The following SFXN5 variants were observed in gnomAD, a reference collection of about 807,000 sequenced individuals.
SFXN5 encodes the protein sideroflexin-5.
In SFXN5, 43 loss-of-function variants were observed where a neutral mutation model predicts 50.2. The ratio of observed to expected loss-of-function variants is 0.86; its 90% CI spans 0.67 to 1.11. The LOEUF (loss-of-function observed/expected upper bound fraction) is 1.11, where lower values mean the gene tolerates loss of function less well. Among genes scored for constraint, SFXN5 ranks in the 50% least tolerant of loss-of-function variants. The pLI, the probability that SFXN5 is intolerant of heterozygous loss-of-function variation, is 0.00. For missense variants in SFXN5, 463 were observed against 454.1 expected (o/e 1.02, Z -0.18); for synonymous variants, 203 against 185.8 (o/e 1.09, Z -0.75).
intron 10 of SFXN5, among the ~76,000 whole-genome samples, chr2:72,984,009 G>A (rs6760425): frequency 0.012 from 1,846 of 152,320 alleles, 32 homozygotes; most frequent in African/African-American, 0.042. Flanking sequence ...GTCAATTAAC[G>A]GAGGGCCCGC....
At chr2:73,006,110 G>A (rs1402930284) in intron 6 of SFXN5, among the ~76,000 whole-genome samples, 2 of 152,172 alleles carry the variant, frequency 1.3e-5, no homozygotes, top group African/African-American at 2.4e-5. Flanking sequence ...CTGGCTCAGA[G>A]GCCTCATGCC....
intron 12 of SFXN5, among the ~76,000 whole-genome samples, chr2:72,964,280 ACC>A (rs1378552942): frequency 6.6e-6 from 1 of 152,140 alleles, no homozygotes; most frequent in Non-Finnish European, 1.5e-5. Context: ...TGACTCCCTC[ACC>A]CAACAGGGGC....
intron 10 of SFXN5, among the ~76,000 whole-genome samples, chr2:72,979,226 G>A (rs1309736642): frequency 6.6e-6 from 1 of 152,172 alleles, no homozygotes; most frequent in East Asian, 1.9e-4. Flanking sequence ...CCAGGTCGGT[G>A]CCTTCTGTGG....
At chr2:72,968,358 CCCT>C in intron 12 of SFXN5, 87 bp downstream of exon 12, 1 of 1,230,290 alleles carries the variant, frequency 8.1e-7, no homozygotes, top group Non-Finnish European at 1.2e-6. Flanking sequence ...TCCTGCCACC[CCCT>C]CATCTCTTGC....
Position 72,960,352 on chromosome 2 carries a change from C to T in SFXN5, c.945+779G>A, listed in dbSNP as rs998107764. On this transcript the variant is annotated intron_variant, in intron 13 of 13. Coordinates refer to ENST00000272433, the MANE Select transcript of SFXN5 (RefSeq NM_144579.3). This position sits in a 1 kb window ranked among gnomAD's most constrained non-coding sequence, Gnocchi z 6.1. ...AAGCCAGTGCACATCCTCTGGCTCC[C>T]GTTCCCTCCCACCACATACAGCTCT... is the stretch of plus-strand genomic sequence containing the variant. Among the ~76,000 whole-genome samples the T allele has an allele frequency of 1.3e-5, 2 of 152,112 alleles. No homozygotes were observed. Among genetic ancestry groups the T allele is most frequent in the African/African-American group, 2.4e-5 (1 of 41,414 alleles).
At chr2:73,046,995 G>A (rs1431728307) in intron 2 of SFXN5, among the ~76,000 whole-genome samples, 1 of 150,676 alleles carries the variant, frequency 6.6e-6, no homozygotes, top group Non-Finnish European at 1.5e-5. Flanking sequence ...GGGAGGCCAA[G>A]GCAGGTGGAT....
At chr2:73,067,796 T>C (rs1219279028) in intron 1 of SFXN5, among the ~76,000 whole-genome samples, 2 of 152,198 alleles carry the variant, frequency 1.3e-5, no homozygotes, top group African/African-American at 2.4e-5. Context: ...TTAGTATGTT[T>C]GTAAACTTCC....
intron 3 of SFXN5, among the ~76,000 whole-genome samples, chr2:73,026,639 A>G (rs1479330909): frequency 6.6e-6 from 1 of 152,184 alleles, no homozygotes; most frequent in Non-Finnish European, 1.5e-5. Flanking sequence ...ATTCATATAA[A>G]AGCCTAGCAC....
intron 13 of SFXN5, among the ~76,000 whole-genome samples, chr2:72,954,951 T>G (rs1672915993): frequency 1.3e-5 from 2 of 152,224 alleles, no homozygotes; most frequent in Admixed American, 6.5e-5. Flanking sequence ...ATCTTCCAGC[T>G]GGGGAAACTG....
At chr2:73,016,429 G>A (rs1350625591) in intron 6 of SFXN5, among the ~76,000 whole-genome samples, 1 of 152,172 alleles carries the variant, frequency 6.6e-6, no homozygotes, top group Non-Finnish European at 1.5e-5. Flanking sequence ...GGAAGAGCTG[G>A]GGCAGTGGCT....
intron 6 of SFXN5, among the ~76,000 whole-genome samples, chr2:73,015,904 C>G (rs1479431108): frequency 4.0e-5 from 6 of 150,586 alleles, no homozygotes; most frequent in African/African-American, 1.5e-4. Flanking sequence ...CATCACTGCA[C>G]TCCAGCCTGG....
At chr2:73,065,956 G>A (rs1387401652) in intron 1 of SFXN5, among the ~76,000 whole-genome samples, 1 of 152,194 alleles carries the variant, frequency 6.6e-6, no homozygotes, top group African/African-American at 2.4e-5. Flanking sequence ...CATGGTGTCT[G>A]GGCCGGAAGG....
chr2:73,036,781 C>T (rs1054161684), intron 3 of SFXN5, among the ~76,000 whole-genome samples: 3 of 152,196 alleles, frequency 2.0e-5, no homozygotes, highest in African/African-American at 2.4e-5. Context: ...CAGAAGAACA[C>T]GAAAAGGGCT....
chr2:72,944,528 G>A lies in SFXN5; in HGVS notation c.*494C>T, dbSNP rs1671724270. 1 of 156,124 alleles carries A rather than the reference G, an allele frequency of 6.4e-6. No individual in the cohort carries two copies. 9.7% of individuals were successfully genotyped at this position (156,124 alleles called of 1,614,324 possible). A position where few individuals can be genotyped will look rare whatever the true frequency, so the allele number is the denominator to read the frequency against. On this transcript the variant is annotated 3_prime_UTR_variant, in exon 14 of 14. Transcript: ENST00000272433. ...CCCATGCCAGCCCAGGGAGCCATCT[G>A]GGCTGGCCATTGTAATATCCTAAAT...
rs1674760420 is a variant in SFXN5 at position 72,968,613 on chromosome 2, G to A, written c.742-80C>T. On this transcript the variant is annotated intron_variant, in intron 11 of 13. Transcript: ENST00000272433. ...GCACACCACCCAGAGCCCTAGGTGTGTGCCACCACAACGCATGTGTGTCTG... is the reference window on the plus strand; with the variant it reads ...GCACACCACCCAGAGCCCTAGGTGTATGCCACCACAACGCATGTGTGTCTG... 11 of 1,335,188 alleles carry A rather than the reference G, an allele frequency of 8.2e-6. No homozygotes were observed. The Admixed American group carries it at 1.5e-4, about 18-fold the overall frequency. The allele number at this position is 1,335,188 out of a possible 1,614,324, so 82.7% of individuals were successfully genotyped here.
intron 6 of SFXN5, among the ~76,000 whole-genome samples, chr2:73,019,265 C>T (rs1676532456): frequency 1.3e-5 from 2 of 151,970 alleles, no homozygotes; most frequent in South Asian, 2.1e-4. Context: ...GATTTTCTGT[C>T]GGGGTGGTGA....
At chr2:72,969,237 G>A (rs1270807276) in intron 11 of SFXN5, among the ~76,000 whole-genome samples, 1 of 152,166 alleles carries the variant, frequency 6.6e-6, no homozygotes, top group East Asian at 1.9e-4. Flanking sequence ...CGGGGGTGGT[G>A]GGCACAACCT....
At position 72,950,696 on chromosome 2, in the gene SFXN5, G is replaced by A. The variant is rs1420576426; in HGVS notation, c.946-5597C>T. 6.6e-6 allele frequency among the ~76,000 whole-genome samples: 1 copy of A among 152,254 alleles called. No individual in the cohort carries two copies. The highest frequency in any genetic ancestry group is 1.5e-5 in the Non-Finnish European group (1 of 68,038). On this transcript the variant is annotated intron_variant, in intron 13 of 13. Coordinates refer to ENST00000272433, the MANE Select transcript of SFXN5 (RefSeq NM_144579.3). This position sits in a 1 kb window ranked among gnomAD's most constrained non-coding sequence, Gnocchi z 4.2. ...GGGAACCACATCTAGGGCCTTGCCTGGCAGTGGCCTCTGGACCCATGGATA... is the reference window on the plus strand; with the variant it reads ...GGGAACCACATCTAGGGCCTTGCCTAGCAGTGGCCTCTGGACCCATGGATA...
At chr2:72,988,493 G>A (rs767003771) in intron 9 of SFXN5, 145 bp from the exon 10 acceptor site, 149 of 703,752 alleles carry the variant, frequency 2.1e-4, no homozygotes, top group Non-Finnish European at 2.9e-4. Context: ...AATCCTCAGC[G>A]TCACCTGAGG....
Sources: gnomAD v4.1 joint callset for allele counts (sites outside exome capture counted in the v4.1 genomes callset) on GRCh38, gnomAD v4.1.1 for gene constraint, Gnocchi (gnomAD v3.1) non-coding constraint, MANE v1.5 for transcripts, NCBI Gene and HGNC (gene_info 2026-07-23, HGNC 2026-07-21) for gene names.